SCAF8: variants seen among roughly 807,000 people sequenced by gnomAD.
SCAF8 encodes SR-related and CTD-associated factor 8.
A neutral mutation model predicts 140.5 loss-of-function variants in SCAF8; 23 were observed. That is an observed-to-expected ratio of 0.16 (90% CI 0.12 to 0.23). SCAF8 has a LOEUF of 0.23. Among genes scored for constraint, SCAF8 ranks in the 10% least tolerant of loss-of-function variants. The pLI, the probability that SCAF8 is intolerant of heterozygous loss-of-function variation, is 1.00. For synonymous variants in SCAF8, 575 were observed against 528.9 expected, an observed-to-expected ratio of 1.09 and a Z score of -1.20; for missense variants, 1,397 against 1,555.7, an observed-to-expected ratio of 0.90 and a Z score of 1.72.
intron 1 of SCAF8, among the ~76,000 whole-genome samples, chr6:154,740,025 C>T (rs1778526848): frequency 6.6e-6 from 1 of 152,128 alleles, no homozygotes; most frequent in Non-Finnish European, 1.5e-5. Context: ...GAATCTGTCT[C>T]TGGTTTTCCT....
intron 1 of SCAF8, among the ~76,000 whole-genome samples, chr6:154,758,798 C>T (rs1343523126): frequency 2.6e-5 from 4 of 152,170 alleles, no homozygotes; most frequent in Admixed American, 2.6e-4. Context: ...GTAACAGGGT[C>T]TGCCTTCAAA....
intron 1 of SCAF8, among the ~76,000 whole-genome samples, chr6:154,758,669 A>T (rs1329791658): frequency 2.0e-5 from 3 of 152,124 alleles, no homozygotes; most frequent in African/African-American, 7.2e-5. Context: ...CAGCCTTCAG[A>T]ATGAAGTAGT....
intron 13 of SCAF8, among the ~76,000 whole-genome samples, chr6:154,817,049 TC>T (rs1361774550): frequency 4.6e-5 from 7 of 152,176 alleles, no homozygotes; most frequent in African/African-American, 1.7e-4. Flanking sequence ...ATTTTACCTG[TC>T]AAAACATCAC....
intron 3 of SCAF8, among the ~76,000 whole-genome samples, chr6:154,779,781 GTATATATA>G (rs59234248): frequency 0.1 from 14,430 of 144,154 alleles, 872 homozygotes; most frequent in African/African-American, 0.18. Flanking sequence ...GTGTGTGTGT[GTATATATA>G]TATATATATA....
At position 154,827,838 on chromosome 6, in the gene SCAF8, G is replaced by GT. The variant is rs879810603; in HGVS notation, c.2140+598_2140+599insT. 3.4e-4 allele frequency among the ~76,000 whole-genome samples: 52 copies of GT among 150,992 alleles called. 2 individuals are homozygous for GT. The highest frequency in any genetic ancestry group is 9.5e-4 in the African/African-American group (39 of 41,212). ...CACACCTTTTTTGGGGCGGGGCGGG[G>GT]GGGGGGGCGGTGTAAAACTTTATTT... On this transcript the variant is annotated intron_variant, in intron 18 of 19. Coordinates refer to ENST00000367178, the MANE Select transcript of SCAF8 (RefSeq NM_014892.5).
At chr6:154,795,600 G>A (rs1450995046) in intron 6 of SCAF8, among the ~76,000 whole-genome samples, 3 of 152,188 alleles carry the variant, frequency 2.0e-5, no homozygotes, top group African/African-American at 7.2e-5. Flanking sequence ...TGTATTTGAG[G>A]AAGTGACATT....
rs1562449876 is a variant in SCAF8 at position 154,794,781 on chromosome 6, GT to G, written c.476-227del. Among the ~76,000 whole-genome samples, 58 of 7,530 alleles carry G rather than the reference GT, an allele frequency of 7.7e-3. 2 individuals are homozygous for G. Among genetic ancestry groups the G allele is most frequent in the East Asian group, 0.014 (1 of 72 alleles). 4.9% of individuals were successfully genotyped at this position (7,530 alleles called of 152,430 possible). A position where few individuals can be genotyped will look rare whatever the true frequency, so the allele number is the denominator to read the frequency against. On this transcript the variant is annotated intron_variant, in intron 5 of 19. Coordinates refer to ENST00000367178, the MANE Select transcript of SCAF8 (RefSeq NM_014892.5). ...TGGTGGGGGGGGGGGGGTGTGGGGG[GT>G]GTGTGTGTGTGTGTGTGTGTGTGTG... is the stretch of plus-strand genomic sequence containing the variant.
chr6:154,816,109 T>TAAAAAA (rs1444224030), intron 13 of SCAF8, among the ~76,000 whole-genome samples: 5 of 152,312 alleles, frequency 3.3e-5, no homozygotes, highest in African/African-American at 1.2e-4. Flanking sequence ...CTATGTGTGG[T>TAAAAAA]CTGGTTTAAT....
chr6:154,801,056 C>G (rs1309927101), intron 6 of SCAF8, among the ~76,000 whole-genome samples: 1 of 151,302 alleles, frequency 6.6e-6, no homozygotes, highest in Non-Finnish European at 1.5e-5. Context: ...AAAAGAATAA[C>G]AGTGCCATGG....
At chr6:154,815,651 ATTAC>A (rs1562461001) in intron 12 of SCAF8, 61 bp from the exon 13 acceptor site, 5 of 830,390 alleles carry the variant, frequency 6.0e-6, no homozygotes, top group South Asian at 1.6e-5. Flanking sequence ...TTTTTCCTCA[ATTAC>A]TTTTCAAAGA....
intron 1 of SCAF8, among the ~76,000 whole-genome samples, chr6:154,762,741 A>G (rs1281260553): frequency 6.6e-6 from 1 of 152,220 alleles, no homozygotes; most frequent in Admixed American, 6.5e-5. Flanking sequence ...TTTCATTACT[A>G]TCACTTATAA....
At chr6:154,803,660 A>G (rs1444024697) in intron 8 of SCAF8, 37 bp downstream of exon 8, 2 of 1,262,082 alleles carry the variant, frequency 1.6e-6, no homozygotes, top group East Asian at 2.3e-5. Context: ...GTTTTTTTAT[A>G]TTTAGTGGGA....
At chr6:154,757,576 C>G (rs971237811) in intron 1 of SCAF8, among the ~76,000 whole-genome samples, 1 of 152,142 alleles carries the variant, frequency 6.6e-6, no homozygotes. Flanking sequence ...TCATCACATG[C>G]TTGGATACCT....
At chr6:154,802,339 C>G (rs1777796082) in intron 7 of SCAF8, among the ~76,000 whole-genome samples, 192 bp downstream of exon 7, 1 of 152,018 alleles carries the variant, frequency 6.6e-6, no homozygotes, top group Non-Finnish European at 1.5e-5. Flanking sequence ...TTTTCCTAGG[C>G]CAGGCACAGT....
chr6:154,792,464 A>G (rs779776444), intron 4 of SCAF8, among the ~76,000 whole-genome samples: 19 of 152,192 alleles, frequency 1.2e-4, no homozygotes, highest in Non-Finnish European at 2.4e-4. Context: ...CTATAAATAT[A>G]ACGTTAGTAC....
At chr6:154,788,295 G>C (rs143065153) in intron 4 of SCAF8, among the ~76,000 whole-genome samples, 284 of 152,274 alleles carry the variant, frequency 1.9e-3, no homozygotes, top group Non-Finnish European at 3.4e-3. Context: ...AGGAGCAATG[G>C]AATATGCCAT....
intron 2 of SCAF8, among the ~76,000 whole-genome samples, chr6:154,775,042 A>G (rs985578616): frequency 1.3e-5 from 2 of 152,188 alleles, no homozygotes; most frequent in African/African-American, 4.8e-5. Flanking sequence ...ACCGTAACCA[A>G]AAGCACCAAC....
At chr6:154,811,499 G>A (rs1411245231) in intron 12 of SCAF8, among the ~76,000 whole-genome samples, 2 of 151,786 alleles carry the variant, frequency 1.3e-5, no homozygotes, top group Middle Eastern at 3.4e-3. Context: ...CAGGTGCCAT[G>A]GTGGTTTGCT....
At chr6:154,762,158 T>A (rs1776421300) in intron 1 of SCAF8, among the ~76,000 whole-genome samples, 1 of 152,236 alleles carries the variant, frequency 6.6e-6, no homozygotes, top group African/African-American at 2.4e-5. Flanking sequence ...TGTAACAAAT[T>A]GTCACAAACT....
Sources: allele counts gnomAD v4.1 joint callset (sites outside exome capture counted in the v4.1 genomes callset), GRCh38; gene constraint gnomAD v4.1.1; transcripts MANE v1.5; gene names NCBI Gene and HGNC (gene_info 2026-07-23, HGNC 2026-07-21).